SCAF4: variants seen among roughly 807,000 people sequenced by gnomAD.
SCAF4 encodes SR-related and CTD-associated factor 4.
In SCAF4, 25 loss-of-function variants were observed where a neutral mutation model predicts 129.8. The observed-to-expected ratio is 0.19, with a 90% CI of 0.14 to 0.27. The LOEUF (loss-of-function observed/expected upper bound fraction) is 0.27. Ranked by LOEUF, SCAF4 falls within the 10% of genes least tolerant of loss-of-function variation. The pLI is 1.00. For missense variants in SCAF4, 1,246 were observed against 1,457.1 expected, an observed-to-expected ratio of 0.86 and a Z score of 2.36; for synonymous variants, 551 against 497.7, an observed-to-expected ratio of 1.11 and a Z score of -1.43.
Position 31,701,885 on chromosome 21 carries a change from T to G in SCAF4, c.491A>C (p.Glu164Ala). 1 of 1,613,960 alleles carries G rather than the reference T, an allele frequency of 6.2e-7. No individual in the cohort carries two copies. ...GTTTGGAGTGGCTTGTGTGGGAGGTTCAGAAGAAACTTTTACTGGAGGTGG... is the reference window on the plus strand; with the variant it reads ...GTTTGGAGTGGCTTGTGTGGGAGGTGCAGAAGAAACTTTTACTGGAGGTGG... ...SPPPPVKVSS[E>A]PPTQATPNSV... is the part of the protein sequence containing the mutation. Residue 164 changes from glutamate to alanine, a missense_variant, in exon 6 of 20, where the codon GAA becomes GCA. Glu to Ala is a moderately radical substitution (Grantham distance 107). Transcript: ENST00000286835.
chr21:31,682,325 G>C (rs1364362294), intron 19 of SCAF4, among the ~76,000 whole-genome samples: 1 of 150,928 alleles, frequency 6.6e-6, no homozygotes, highest in African/African-American at 2.4e-5. Flanking sequence ...GCTGCAGTGA[G>C]ATGAGATTGC....
chr21:31,705,679 ATCCCTTT>A (rs2050641435), intron 2 of SCAF4, among the ~76,000 whole-genome samples: 1 of 152,134 alleles, frequency 6.6e-6, no homozygotes. Flanking sequence ...CAAACAGAAG[ATCCCTTT>A]TCTTAAATTT....
At chr21:31,677,736 T>C (rs1265391152) in intron 19 of SCAF4, among the ~76,000 whole-genome samples, 1 of 152,160 alleles carries the variant, frequency 6.6e-6, no homozygotes, top group Non-Finnish European at 1.5e-5. Flanking sequence ...CTTCTCAGCA[T>C]CCTTTGCTGG....
chr21:31,691,094 A>T, intron 14 of SCAF4, 141 bp from the exon 15 acceptor site: 2 of 600,792 alleles, frequency 3.3e-6, no homozygotes, highest in Non-Finnish European at 5.6e-6. Flanking sequence ...ATCTCATTCA[A>T]AGCCTTATTC....
intron 7 of SCAF4, among the ~76,000 whole-genome samples, chr21:31,700,137 C>A (rs1025491924): frequency 2.0e-5 from 3 of 151,398 alleles, no homozygotes; most frequent in South Asian, 2.1e-4. Flanking sequence ...GTTCCCAAAC[C>A]CTCATATTAT....
At chr21:31,714,096 A>G in intron 1 of SCAF4, among the ~76,000 whole-genome samples, 1 of 152,148 alleles carries the variant, frequency 6.6e-6, no homozygotes, top group Admixed American at 6.5e-5. Context: ...TCTCTAAGCC[A>G]TAATGTCCTC....
At chr21:31,684,533 C>T (rs2050068936) in intron 19 of SCAF4, 1 of 154,052 alleles carries the variant, frequency 6.5e-6, no homozygotes, top group Admixed American at 6.4e-5. Flanking sequence ...GCAACTGTTA[C>T]TTAGAAAACA....
intron 1 of SCAF4, among the ~76,000 whole-genome samples, chr21:31,711,693 A>C (rs1409434398): frequency 6.6e-6 from 1 of 152,230 alleles, no homozygotes; most frequent in Non-Finnish European, 1.5e-5. Context: ...AATAGTGTAC[A>C]GATAGTAAAG....
chr21:31,671,780 A>G lies in SCAF4; in HGVS notation c.3063T>C (p.Asp1021=), dbSNP rs750677443. The G allele has an allele frequency of 1.2e-6, 2 of 1,614,004 alleles. No individual in the cohort carries two copies. Among genetic ancestry groups the G allele is most frequent in the Non-Finnish European group, 8.5e-7 (1 of 1,179,908 alleles). The change falls in exon 20 of 20, where the codon GAT becomes GAC. Residue 1021 remains aspartate, a synonymous_variant. Transcript: ENST00000286835. Reference sequence around the variant, plus strand: ...TGTCACGGTTACTATTATCTCTATCATCATTACGGTTCCCATACCGTTCCC... The same window carrying G: ...TGTCACGGTTACTATTATCTCTATCGTCATTACGGTTCCCATACCGTTCCC... ...NDRERYGNRN[D]DRDNSNRDRR... is the part of the protein sequence containing the mutation.
chr21:31,723,625 TGTGTGCGCGCGC>T (rs1481118056), intron 1 of SCAF4, among the ~76,000 whole-genome samples: 3 of 142,070 alleles, frequency 2.1e-5, no homozygotes, highest in Admixed American at 7.3e-5. Context: ...TGTGTGTGTG[TGTGTGCGCGCGC>T]GCGCGCGCGC....
At chr21:31,696,011 C>T (rs554466003) in intron 9 of SCAF4, 102 bp downstream of exon 9, 14 of 677,532 alleles carry the variant, frequency 2.1e-5, no homozygotes, top group Middle Eastern at 2.6e-4. Context: ...AGATATAGTA[C>T]GACTTAGCCA....
Position 31,674,995 on chromosome 21 carries a change from G to T in SCAF4, c.2489-2641C>A, listed in dbSNP as rs559854110. 2.0e-5 allele frequency among the ~76,000 whole-genome samples: 3 copies of T among 152,268 alleles called. No individual in the cohort carries two copies. In the South Asian group the frequency reaches 6.2e-4, roughly 32 times the overall value. On this transcript the variant is annotated intron_variant, in intron 19 of 19. Coordinates refer to ENST00000286835, the MANE Select transcript of SCAF4 (RefSeq NM_020706.2). Reference sequence around the variant, plus strand: ...TGAATCTGAGTGGCAGTCATCGGGGGTGTCTGAATTGGATCTCAAAGGAAA... The same window carrying T: ...TGAATCTGAGTGGCAGTCATCGGGGTTGTCTGAATTGGATCTCAAAGGAAA...
rs1052333412 is a variant in SCAF4, at chr21:31,731,783, G to A, written c.-91C>T. On this transcript the variant is annotated 5_prime_UTR_variant, in exon 1 of 20. Transcript: ENST00000286835. ...GGGGCTGGGAAACCAGCCGGGCCTG[G>A]TGGCCGGGGGGAGGCGACGAGCGGC... The A allele has an allele frequency of 2.8e-5, 39 of 1,411,972 alleles. 1 individual carries two copies. The African/African-American group carries it at 4.0e-4, about 15-fold the overall frequency. The allele number at this position is 1,411,972 out of a possible 1,614,324, so 87.5% of individuals were successfully genotyped here. A position where few individuals can be genotyped will look rare whatever the true frequency, so the allele number is the denominator to read the frequency against.
chr21:31,685,562 G>A lies in SCAF4; in HGVS notation c.2209+6C>T. 1.9e-6 allele frequency: 3 copies of A among 1,614,122 alleles called. No homozygotes were observed. Among genetic ancestry groups the A allele is most frequent in the South Asian group, 1.1e-5 (1 of 91,086 alleles). ...CTAAAGTATGTTCACAGACAATTTA[G>A]TGTACCTGGTGGTAAATGCATTGGG... is the stretch of plus-strand genomic sequence containing the variant. On this transcript the variant is annotated splice_donor_region_variant and intron_variant, in intron 17 of 19. Transcript: ENST00000286835.
At chr21:31,691,233 C>T (rs2050252891) in intron 14 of SCAF4, among the ~76,000 whole-genome samples, 1 of 152,146 alleles carries the variant, frequency 6.6e-6, no homozygotes, top group African/African-American at 2.4e-5. Context: ...AAAAGTTTAA[C>T]AGGGAAAGGC....
Position 31,690,844 on chromosome 21 carries a change from T to C in SCAF4, c.1838A>G (p.Glu613Gly), listed in dbSNP as rs763507674. Residue 613 changes from glutamate (E) to glycine (G), a missense_variant, in exon 15 of 20, where the codon GAG (glutamate) becomes GGG (glycine). By Grantham distance (98) the Glu-to-Gly change is moderately conservative (BLOSUM62 -2). This residue lies in a region of SCAF4 where 468 missense variants were observed against 605.5 expected (regional missense o/e 0.77). Transcript: ENST00000286835. ...PWDKVKPEEL[E>G]SFCEGGMLDS... ...CAACATTCCTCCTTCACAAAAACTC[T>C]CCAGTTCCTCAGGCTTGACTTTGTC... 6.2e-7 allele frequency: 1 copy of C among 1,613,842 alleles called. No homozygotes were observed. The highest frequency in any genetic ancestry group is 8.5e-7 in the Non-Finnish European group (1 of 1,179,866).
Position 31,701,120 on chromosome 21 carries a change from C to A in SCAF4, c.652G>T (p.Ala218Ser), listed in dbSNP as rs766610452. 1 of 1,610,666 alleles carries A rather than the reference C, an allele frequency of 6.2e-7. No individual in the cohort carries two copies. Among genetic ancestry groups the A allele is most frequent in the Admixed American group, 1.7e-5 (1 of 59,498 alleles). ...FQQPPKPQSP[A>S]LDNAVMAQVQ... Reference sequence around the variant, plus strand: ...TGAGCCATCACAGCATTGTCAAGGGCAGGAGACTGTGGTTTTGGAGGCTGT... The same window carrying A: ...TGAGCCATCACAGCATTGTCAAGGGAAGGAGACTGTGGTTTTGGAGGCTGT... The change falls in exon 7 of 20, where the codon GCC (alanine) becomes TCC (serine). Residue 218 changes from alanine (A) to serine (S), a missense_variant. This residue lies in a region of SCAF4 where 143 missense variants were observed against 161.0 expected (regional missense o/e 0.89). Coordinates refer to ENST00000286835, the MANE Select transcript of SCAF4 (RefSeq NM_020706.2).
In SCAF4 at chr21:31,677,006, T is replaced by C. The variant is rs2049874005; in HGVS notation, c.2489-4652A>G. ...GGCGTATCTTCTCAAGGTTCATCCA[T>C]GTTGCATGTTTAAGTCCTTCATTTT... is the stretch of plus-strand genomic sequence containing the variant. On this transcript the variant is annotated intron_variant, in intron 19 of 19. Coordinates refer to ENST00000286835, the MANE Select transcript of SCAF4 (RefSeq NM_020706.2). Among the ~76,000 whole-genome samples the C allele has an allele frequency of 2.0e-5, 3 of 152,192 alleles. No individual in the cohort carries two copies. In the South Asian group the frequency reaches 6.2e-4, roughly 32 times the overall value.
chr21:31,675,407 C>A (rs2123463956), intron 19 of SCAF4, among the ~76,000 whole-genome samples: 1 of 152,232 alleles, frequency 6.6e-6, no homozygotes, highest in South Asian at 2.1e-4. Flanking sequence ...GAGAATCCAG[C>A]AGTGACAGTG....
Sources: allele counts gnomAD v4.1 joint callset (sites outside exome capture counted in the v4.1 genomes callset), GRCh38; gene constraint gnomAD v4.1.1; regional missense constraint gnomAD v4.1.1; transcripts MANE v1.5; gene names NCBI Gene and HGNC (gene_info 2026-07-23, HGNC 2026-07-21).